CCSER1: variants seen among roughly 807,000 people sequenced by gnomAD.
The protein encoded by CCSER1 is coiled-coil serine rich protein 1, also known as serine-rich coiled-coil domain-containing protein 1.
In CCSER1, 41 loss-of-function variants were observed where a neutral mutation model predicts 82.0. The observed-to-expected ratio is 0.50, with a 90% confidence interval of 0.39 to 0.65. CCSER1 has a LOEUF of 0.65. CCSER1 is among the 30% of genes least tolerant of loss of function. The pLI is 0.00. For missense variants in CCSER1, 1,119 were observed against 1,064.2 expected, an observed-to-expected ratio of 1.05 and a Z score of -0.72; for synonymous variants, 414 against 383.9, an observed-to-expected ratio of 1.08 and a Z score of -0.92.
At chr4:91,460,189 G>A (rs1756426965) in intron 10 of CCSER1, among the ~76,000 whole-genome samples, 2 of 152,088 alleles carry the variant, frequency 1.3e-5, no homozygotes, top group Admixed American at 1.3e-4. Flanking sequence ...ATTTACATGT[G>A]TTCTAAATAA....
At chr4:90,366,281 A>G (rs1746272880) in intron 3 of CCSER1, among the ~76,000 whole-genome samples, 1 of 149,546 alleles carries the variant, frequency 6.7e-6, no homozygotes, top group Non-Finnish European at 1.5e-5. Flanking sequence ...GAAGACAAAG[A>G]TGTTAGTATC....
chr4:90,238,918 T>G (rs1746318139), intron 1 of CCSER1, among the ~76,000 whole-genome samples: 1 of 152,082 alleles, frequency 6.6e-6, no homozygotes, highest in East Asian at 1.9e-4. Context: ...TGGCATGATC[T>G]CGGCTCATTG....
chr4:90,964,491 C>T (rs1396293637), intron 9 of CCSER1, among the ~76,000 whole-genome samples: 5 of 151,040 alleles, frequency 3.3e-5, no homozygotes, highest in Admixed American at 3.3e-4. Context: ...TTTGGGAGGC[C>T]AAGGCGGGCA....
intron 3 of CCSER1, among the ~76,000 whole-genome samples, chr4:90,335,363 AATG>A (rs1740189876): frequency 6.6e-6 from 1 of 152,220 alleles, no homozygotes; most frequent in Admixed American, 6.5e-5. Flanking sequence ...CTAATTAATT[AATG>A]ATGAGTGGAT....
intron 8 of CCSER1, among the ~76,000 whole-genome samples, chr4:90,914,512 T>C (rs927346713): frequency 6.6e-6 from 1 of 152,098 alleles, no homozygotes; most frequent in Admixed American, 6.6e-5. Context: ...GAGGGAAATT[T>C]ATAGCACTAA....
intron 10 of CCSER1, among the ~76,000 whole-genome samples, chr4:91,367,317 CAAAAAAA>C (rs557952182): frequency 1.7e-4 from 13 of 75,042 alleles, no homozygotes; most frequent in Admixed American, 1.4e-3. Flanking sequence ...ATCCTGTCTC[CAAAAAAA>C]AAAAAAAAAA....
intron 8 of CCSER1, among the ~76,000 whole-genome samples, chr4:90,880,327 G>C (rs1721111856): frequency 6.6e-6 from 1 of 152,108 alleles, no homozygotes; most frequent in African/African-American, 2.4e-5. Flanking sequence ...CTCCACACCA[G>C]AGATACGGGT....
intron 4 of CCSER1, among the ~76,000 whole-genome samples, chr4:90,456,573 G>A (rs78297247): frequency 0.015 from 2,242 of 152,134 alleles, 33 homozygotes; most frequent in African/African-American, 0.044. Flanking sequence ...GATCCCACAC[G>A]ATGGCTAGAC....
At chr4:90,689,660 T>C (rs1356922540) in intron 6 of CCSER1, among the ~76,000 whole-genome samples, 1 of 151,968 alleles carries the variant, frequency 6.6e-6, no homozygotes, top group Non-Finnish European at 1.5e-5. Flanking sequence ...AAGATTTAGA[T>C]GTAAGTGACT....
chr4:90,462,066 T>G (rs1762995369), intron 4 of CCSER1, among the ~76,000 whole-genome samples: 1 of 152,164 alleles, frequency 6.6e-6, no homozygotes. Flanking sequence ...TCATTTCTTC[T>G]TTCAATTCTG....
At chr4:90,394,644 T>A (rs1440318364) in intron 3 of CCSER1, among the ~76,000 whole-genome samples, 1 of 152,188 alleles carries the variant, frequency 6.6e-6, no homozygotes, top group African/African-American at 2.4e-5. Flanking sequence ...TATATTTGTT[T>A]AAATTTTATA....
chr4:90,479,724 G>T (rs1022083485), intron 5 of CCSER1, among the ~76,000 whole-genome samples: 3 of 152,128 alleles, frequency 2.0e-5, no homozygotes, highest in African/African-American at 7.2e-5. Context: ...TTTTATGGCT[G>T]TATAGTATTC....
At chr4:90,226,196 A>G (rs1027689794) in intron 1 of CCSER1, among the ~76,000 whole-genome samples, 4 of 152,236 alleles carry the variant, frequency 2.6e-5, no homozygotes, top group Admixed American at 1.3e-4. Flanking sequence ...TGAATGGCCT[A>G]TGTGAGATCA....
In CCSER1 at chr4:90,155,795, C is replaced by G. The variant is rs1171985648; in HGVS notation, c.-42+27964C>G. On this transcript the variant is annotated intron_variant, in intron 1 of 10. Coordinates refer to ENST00000509176, the MANE Select transcript of CCSER1 (RefSeq NM_001145065.2). Reference sequence around the variant, plus strand: ...TTTATTAGTCTTGCTAGCGGTCTATCAATTTTGTTGATCCTTTCAAAAAAC... The same window carrying G: ...TTTATTAGTCTTGCTAGCGGTCTATGAATTTTGTTGATCCTTTCAAAAAAC... Among the ~76,000 whole-genome samples the G allele has an allele frequency of 1.1e-3, 174 of 151,672 alleles. 2 individuals are homozygous for G. The highest frequency in any genetic ancestry group is 4.8e-3 in the Admixed American group (73 of 15,228).
chr4:90,539,996 G>A (rs1249199412), intron 5 of CCSER1, among the ~76,000 whole-genome samples: 1 of 151,968 alleles, frequency 6.6e-6, no homozygotes, highest in African/African-American at 2.4e-5. Context: ...CATGGAAATG[G>A]CAAGAAACAG....
chr4:90,876,405 ATG>A (rs1053273895), intron 8 of CCSER1, among the ~76,000 whole-genome samples: 2 of 152,238 alleles, frequency 1.3e-5, no homozygotes, highest in African/African-American at 2.4e-5. Flanking sequence ...CCCTCAAATC[ATG>A]TGTGCTGGCA....
intron 4 of CCSER1, among the ~76,000 whole-genome samples, chr4:90,447,856 A>G (rs1760872982): frequency 6.6e-6 from 1 of 152,214 alleles, no homozygotes. Flanking sequence ...TTATTTGCAT[A>G]TAATTACAAA....
intron 10 of CCSER1, among the ~76,000 whole-genome samples, chr4:91,164,261 A>G (rs897638439): frequency 6.6e-6 from 1 of 152,066 alleles, no homozygotes; most frequent in African/African-American, 2.4e-5. Flanking sequence ...ATTGACCCCC[A>G]CTTTTTTCTG....
intron 8 of CCSER1, among the ~76,000 whole-genome samples, chr4:90,894,252 T>G (rs1331146373): frequency 6.6e-6 from 1 of 152,062 alleles, no homozygotes; most frequent in Admixed American, 6.6e-5. Flanking sequence ...TAGATATTAC[T>G]TACTTTATAG....
Sources: allele counts gnomAD v4.1 joint callset (sites outside exome capture counted in the v4.1 genomes callset), GRCh38; gene constraint gnomAD v4.1.1; transcripts MANE v1.5; gene names NCBI Gene and HGNC (gene_info 2026-07-23, HGNC 2026-07-21).